NSUN7: variants seen among roughly 807,000 people sequenced by gnomAD.
NSUN7 encodes protein NSUN7.
Under a neutral mutation model 58.5 loss-of-function variants are expected in NSUN7, and 39 were observed. The ratio of observed to expected loss-of-function variants is 0.67; its 90% CI spans 0.52 to 0.87. NSUN7 has a LOEUF of 0.87. Ranked by LOEUF, NSUN7 falls within the 40% of genes least tolerant of loss-of-function variation. The pLI is 0.00. For synonymous variants in NSUN7, 278 were observed against 303.7 expected (o/e 0.92, Z 0.88); for missense variants, 765 against 844.1 (o/e 0.91, Z 1.16).
Position 40,774,251 on chromosome 4 carries a change from T to A in NSUN7, c.489-14T>A. The A allele has an allele frequency of 6.2e-7, 1 of 1,613,200 alleles. No homozygotes were observed. Among genetic ancestry groups the A allele is most frequent in the Non-Finnish European group, 8.5e-7 (1 of 1,179,188 alleles). ...TCAAATGCAATAGATTAAGGATGGA[T>A]TTTCTGTCTCTAGTTTTAAGATAAA... On this transcript the variant is annotated splice_polypyrimidine_tract_variant and intron_variant, in intron 4 of 11. Coordinates refer to ENST00000381782, the MANE Select transcript of NSUN7 (RefSeq NM_024677.6).
At chr4:40,791,375 G>T (rs562731643) in intron 8 of NSUN7, among the ~76,000 whole-genome samples, 1 of 152,112 alleles carries the variant, frequency 6.6e-6, no homozygotes. Context: ...CCCTGGGCGT[G>T]GCACTTTTCT....
chr4:40,791,209 A>G (rs1205564698), intron 8 of NSUN7, among the ~76,000 whole-genome samples: 2 of 152,240 alleles, frequency 1.3e-5, no homozygotes, highest in African/African-American at 2.4e-5. Flanking sequence ...GATTATTTCA[A>G]ACTCAAAGGT....
chr4:40,757,640 A>G (rs866128644), intron 2 of NSUN7, among the ~76,000 whole-genome samples: 5 of 145,638 alleles, frequency 3.4e-5, no homozygotes, highest in African/African-American at 7.7e-5. Context: ...CATTGTGTGT[A>G]TATATATACA....
chr4:40,809,176 A>AGAG lies in NSUN7; in HGVS notation c.*238_*240dup. The stretch of plus-strand genomic sequence containing the variant: ...ACTGCTGCTCTGAGAGGATCCAGTT[A>AGAG]GAGACTCAGTATCAGCGGTCAGAAC... On this transcript the variant is annotated 3_prime_UTR_variant, in exon 12 of 12. Coordinates refer to ENST00000381782, the MANE Select transcript of NSUN7 (RefSeq NM_024677.6). 2.3e-6 allele frequency: 1 copy of AGAG among 428,742 alleles called. No individual in the cohort carries two copies. The highest frequency in any genetic ancestry group is 3.7e-5 in the East Asian group (1 of 27,104). 26.6% of individuals were successfully genotyped at this position (428,742 alleles called of 1,614,324 possible).
chr4:40,760,823 T>C (rs185483020), intron 3 of NSUN7, among the ~76,000 whole-genome samples: 11 of 148,478 alleles, frequency 7.4e-5, no homozygotes, highest in Admixed American at 1.3e-4. Flanking sequence ...GATTGCGCCA[T>C]TGCACTCCAG....
At chr4:40,754,611 A>G (rs956511807) in intron 2 of NSUN7, among the ~76,000 whole-genome samples, 1 of 152,254 alleles carries the variant, frequency 6.6e-6, no homozygotes, top group Non-Finnish European at 1.5e-5. Context: ...AAGAAAACTC[A>G]GAATTTCTTC....
At chr4:40,751,368 C>A (rs1312005228) in intron 2 of NSUN7, among the ~76,000 whole-genome samples, 4 of 152,086 alleles carry the variant, frequency 2.6e-5, no homozygotes, top group African/African-American at 9.7e-5. Context: ...AGGAATCCTC[C>A]CTCTTCAGCT....
At chr4:40,808,121 TTTG>T (rs1405187079) in intron 11 of NSUN7, among the ~76,000 whole-genome samples, 183 bp from the exon 12 acceptor site, 13 of 145,790 alleles carry the variant, frequency 8.9e-5, no homozygotes, top group Non-Finnish European at 1.7e-4. Flanking sequence ...TTTTTTTTTG[TTTG>T]TTTTTTTAAA....
intron 2 of NSUN7, among the ~76,000 whole-genome samples, chr4:40,757,617 GTATA>G (rs569038204): frequency 7.1e-6 from 1 of 141,474 alleles, no homozygotes; most frequent in Non-Finnish European, 1.5e-5. Flanking sequence ...TACATTGTGT[GTATA>G]TATATATACA....
At position 40,808,484 on chromosome 4, in the gene NSUN7, G is replaced by C. The variant is rs1437645090; in HGVS notation, c.1702G>C (p.Glu568Gln). Residue 568 changes from glutamate to glutamine, a missense_variant, in exon 12 of 12, where the codon GAG becomes CAG. By Grantham distance (29) the Glu-to-Gln change is conservative. Coordinates refer to ENST00000381782, the MANE Select transcript of NSUN7 (RefSeq NM_024677.6). ...TAATGGCATCCAAATGAAAATTGCT[G>C]AGTTCCTGAATCGAGAAACTAAAGC... is the stretch of plus-strand genomic sequence containing the variant. The part of the protein sequence containing the change: ...TDNGIQMKIA[E>Q]FLNRETKASA... 1 of 1,569,320 alleles carries C rather than the reference G, an allele frequency of 6.4e-7. No individual in the cohort carries two copies. The highest frequency in any genetic ancestry group is 2.3e-5 in the East Asian group (1 of 42,572).
chr4:40,794,795 T>C (rs186965125), intron 9 of NSUN7, among the ~76,000 whole-genome samples: 1 of 152,354 alleles, frequency 6.6e-6, no homozygotes, highest in East Asian at 1.9e-4. Context: ...TCTTACTCGA[T>C]ATAATTTTTC....
chr4:40,764,640 C>T (rs1387991045), intron 4 of NSUN7, among the ~76,000 whole-genome samples: 2 of 152,146 alleles, frequency 1.3e-5, no homozygotes, highest in Non-Finnish European at 2.9e-5. Context: ...TTCTAGATCC[C>T]TGAGGAATCA....
At chr4:40,755,280 G>A (rs890151042) in intron 2 of NSUN7, among the ~76,000 whole-genome samples, 11 of 151,988 alleles carry the variant, frequency 7.2e-5, no homozygotes, top group Admixed American at 3.9e-4. Context: ...TAGTAGAGAC[G>A]GGGTTTCACC....
At chr4:40,767,918 G>A (rs183068185) in intron 4 of NSUN7, among the ~76,000 whole-genome samples, 2 of 152,282 alleles carry the variant, frequency 1.3e-5, no homozygotes, top group Admixed American at 6.5e-5. Context: ...TGTTACAGTT[G>A]TATGCTAGTT....
intron 10 of NSUN7, among the ~76,000 whole-genome samples, chr4:40,805,215 A>G (rs1396793131): frequency 6.6e-6 from 1 of 152,210 alleles, no homozygotes; most frequent in Non-Finnish European, 1.5e-5. Flanking sequence ...CACATAAGTC[A>G]GATATATCTG....
intron 4 of NSUN7, among the ~76,000 whole-genome samples, chr4:40,774,049 C>T (rs1383638456): frequency 1.3e-5 from 2 of 152,192 alleles, no homozygotes; most frequent in Admixed American, 6.5e-5. Flanking sequence ...CCACTTGCCT[C>T]GGCCTCCCAA....
chr4:40,754,939 C>T (rs141322197), intron 2 of NSUN7, among the ~76,000 whole-genome samples: 3 of 152,100 alleles, frequency 2.0e-5, no homozygotes, highest in East Asian at 1.9e-4. Flanking sequence ...TAAAGCGCTC[C>T]GTAAAATGTT....
At position 40,809,029 on chromosome 4, in the gene NSUN7, A is replaced by G. The variant is rs1012285029; in HGVS notation, c.*90A>G. On this transcript the variant is annotated 3_prime_UTR_variant, in exon 12 of 12. Coordinates refer to ENST00000381782, the MANE Select transcript of NSUN7 (RefSeq NM_024677.6). ...TGAAGATTCTACATCTCTACACAAG[A>G]TATTCATTCTTTTGGTCACCTAGGG... is the stretch of plus-strand genomic sequence containing the variant. The G allele has an allele frequency of 7.6e-7, 1 of 1,307,378 alleles. No homozygotes were observed. The highest frequency in any genetic ancestry group is 1.0e-6 in the Non-Finnish European group (1 of 984,908). The allele number at this position is 1,307,378 out of a possible 1,614,324, so 81.0% of individuals were successfully genotyped here.
chr4:40,801,371 G>A (rs1430174909), intron 10 of NSUN7, among the ~76,000 whole-genome samples: 1 of 152,076 alleles, frequency 6.6e-6, no homozygotes, highest in Non-Finnish European at 1.5e-5. Context: ...ATTAACACAC[G>A]AGCAGTATCT....
Sources: allele counts gnomAD v4.1 joint callset (sites outside exome capture counted in the v4.1 genomes callset), GRCh38; gene constraint gnomAD v4.1.1; transcripts MANE v1.5; gene names NCBI Gene and HGNC (gene_info 2026-07-23, HGNC 2026-07-21).